Variants in FHIP1A observed in about 807,000 individuals in gnomAD.
FHIP1A encodes the protein FHF complex subunit HOOK-interacting protein 1A.
In FHIP1A, 61 loss-of-function variants were observed where a neutral mutation model predicts 88.6. The observed-to-expected ratio is 0.69, with a 90% CI of 0.56 to 0.85. FHIP1A has a LOEUF of 0.85. Among genes scored for constraint, FHIP1A ranks in the 40% least tolerant of loss-of-function variants. FHIP1A has a pLI of 0.00. For missense variants in FHIP1A, 1,154 were observed against 1,273.5 expected (o/e 0.91, Z 1.43); for synonymous variants, 478 against 496.0 (o/e 0.96, Z 0.48).
At chr4:151,552,594 C>A (rs1732782514) in intron 3 of FHIP1A, among the ~76,000 whole-genome samples, 1 of 152,024 alleles carries the variant, frequency 6.6e-6, no homozygotes, top group Non-Finnish European at 1.5e-5. Context: ...CCAAATACCG[C>A]ATTTCTCACT....
intron 7 of FHIP1A, among the ~76,000 whole-genome samples, chr4:151,620,868 A>G (rs534046519): frequency 4.8e-4 from 69 of 144,680 alleles, no homozygotes; most frequent in African/African-American, 1.7e-3. Flanking sequence ...CCCTCCCTAC[A>G]CACCGAGAAT....
rs566891081 is a variant in FHIP1A at position 151,628,911 on chromosome 4, T to G, written c.979-791T>G. 2.6e-5 allele frequency among the ~76,000 whole-genome samples: 4 copies of G among 152,322 alleles called. No homozygotes were observed. The East Asian group carries it at 7.7e-4, about 29-fold the overall frequency. ...TTAAAATACTCCCAATAAAAATGTT[T>G]AAGGTTAGAATTTTGATACTTGAAG... On this transcript the variant is annotated intron_variant, in intron 7 of 13. Transcript: ENST00000435205.
chr4:151,605,168 G>C (rs1343562042), intron 7 of FHIP1A, among the ~76,000 whole-genome samples: 1 of 152,168 alleles, frequency 6.6e-6, no homozygotes, highest in East Asian at 1.9e-4. Flanking sequence ...ATGGGAAAAG[G>C]TTGTATAAGT....
chr4:151,519,303 G>A (rs1324926382), intron 3 of FHIP1A, among the ~76,000 whole-genome samples: 1 of 152,020 alleles, frequency 6.6e-6, no homozygotes, highest in Non-Finnish European at 1.5e-5. Flanking sequence ...GGTTAGTTTT[G>A]CTTGTTCTAT....
chr4:151,441,810 T>C (rs1728422761), intron 1 of FHIP1A, among the ~76,000 whole-genome samples: 1 of 152,190 alleles, frequency 6.6e-6, no homozygotes, highest in Non-Finnish European at 1.5e-5. Flanking sequence ...ATTCCCTTTT[T>C]AAGTAAATCA....
At chr4:151,558,570 AAGTGTTGCAGTG>A (rs1733048817) in intron 3 of FHIP1A, among the ~76,000 whole-genome samples, 1 of 149,986 alleles carries the variant, frequency 6.7e-6, no homozygotes, top group Non-Finnish European at 1.5e-5. Context: ...CAAACAGAAA[AAGTGTTGCAGTG>A]AATAGTGCTC....
intron 3 of FHIP1A, among the ~76,000 whole-genome samples, chr4:151,560,776 A>G (rs1189861896): frequency 6.6e-6 from 1 of 152,162 alleles, no homozygotes; most frequent in Non-Finnish European, 1.5e-5. Flanking sequence ...TCAATCGCCA[A>G]GGAGCTGATA....
intron 9 of FHIP1A, among the ~76,000 whole-genome samples, chr4:151,639,261 G>T (rs1265428312): frequency 1.3e-5 from 2 of 152,260 alleles, no homozygotes; most frequent in Non-Finnish European, 2.9e-5. Context: ...AGTATTTGCT[G>T]TGAACTGAAA....
At chr4:151,546,784 A>G in intron 3 of FHIP1A, among the ~76,000 whole-genome samples, 1 of 152,358 alleles carries the variant, frequency 6.6e-6, no homozygotes, top group Non-Finnish European at 1.5e-5. Context: ...CATGTTAAAG[A>G]AGGAGAACCA....
chr4:151,496,465 G>A (rs1345787892), intron 3 of FHIP1A, among the ~76,000 whole-genome samples: 3 of 151,968 alleles, frequency 2.0e-5, no homozygotes, highest in Non-Finnish European at 4.4e-5. Flanking sequence ...GTGCTCTCAT[G>A]TAGTTGACCC....
intron 3 of FHIP1A, among the ~76,000 whole-genome samples, chr4:151,547,874 A>T (rs185192983): frequency 2.0e-5 from 3 of 151,774 alleles, no homozygotes; most frequent in Non-Finnish European, 4.4e-5. Flanking sequence ...AAATTGCACC[A>T]CTGCACTCCA....
intron 7 of FHIP1A, among the ~76,000 whole-genome samples, chr4:151,598,286 C>T (rs1004695341): frequency 8.5e-5 from 13 of 152,070 alleles, no homozygotes; most frequent in African/African-American, 2.7e-4. Context: ...GCTAGGGGAG[C>T]GAGTTCCCCG....
intron 1 of FHIP1A, among the ~76,000 whole-genome samples, chr4:151,447,265 A>G (rs552740091): frequency 6.6e-6 from 1 of 152,210 alleles, no homozygotes; most frequent in Non-Finnish European, 1.5e-5. Context: ...AGGTCTTCCA[A>G]ATGTTAATTC....
chr4:151,514,620 A>G (rs948496197), intron 3 of FHIP1A, among the ~76,000 whole-genome samples: 2 of 152,224 alleles, frequency 1.3e-5, no homozygotes, highest in Admixed American at 6.5e-5. Context: ...GGTAAAGGGC[A>G]TATCACCACC....
chr4:151,589,076 T>C (rs1734328857), intron 7 of FHIP1A, 150 bp downstream of exon 7: 1 of 643,988 alleles, frequency 1.6e-6, no homozygotes, highest in Non-Finnish European at 2.7e-6. Flanking sequence ...CAAACACAGG[T>C]ATTAAAATGG....
At chr4:151,467,315 C>T (rs1177896665) in intron 2 of FHIP1A, among the ~76,000 whole-genome samples, 1 of 152,080 alleles carries the variant, frequency 6.6e-6, no homozygotes, top group Admixed American at 6.5e-5. Flanking sequence ...ATTAAAAAGT[C>T]AAGAAACAAC....
chr4:151,459,898 A>G lies in FHIP1A; in HGVS notation c.-248+5090A>G, dbSNP rs547200879. On this transcript the variant is annotated intron_variant, in intron 2 of 13. Coordinates refer to ENST00000435205, the MANE Select transcript of FHIP1A (RefSeq NM_001109977.3). ...AGAATGAGAAAGACCTTTTGCATAC[A>G]CTTGGAATTCAGCTTTTTGTATATA... Among the ~76,000 whole-genome samples, 6 of 152,280 alleles carry G rather than the reference A, an allele frequency of 3.9e-5. No individual in the cohort carries two copies. In the East Asian group the frequency reaches 1.2e-3, roughly 29 times the overall value.
intron 1 of FHIP1A, among the ~76,000 whole-genome samples, chr4:151,410,157 T>C (rs919166062): frequency 6.6e-6 from 1 of 152,214 alleles, no homozygotes; most frequent in African/African-American, 2.4e-5. Flanking sequence ...GGTAGCCTTG[T>C]TGGCTTGGGA....
intron 1 of FHIP1A, among the ~76,000 whole-genome samples, chr4:151,449,493 A>ATATT (rs1170658004): frequency 6.6e-6 from 1 of 152,144 alleles, no homozygotes; most frequent in Non-Finnish European, 1.5e-5. Flanking sequence ...GGTAGTTAGC[A>ATATT]TATTCATCAC....
Sources: allele counts gnomAD v4.1 joint callset (sites outside exome capture counted in the v4.1 genomes callset), GRCh38; gene constraint gnomAD v4.1.1; transcripts MANE v1.5; gene names NCBI Gene and HGNC (gene_info 2026-07-23, HGNC 2026-07-21).